Variants in HDAC4 observed in about 807,000 individuals in gnomAD.
HDAC4 encodes the protein histone deacetylase 4, also known as histone deacetylase A.
In HDAC4, 16 loss-of-function variants were observed where a neutral mutation model predicts 135.1. That is an observed-to-expected ratio of 0.12 (90% CI 0.08 to 0.18). The LOEUF is 0.18. Among genes scored for constraint, HDAC4 ranks in the 10% least tolerant of loss-of-function variants. The probability of loss-of-function intolerance (pLI) is 1.00; values close to 1 mark genes in which losing one functional copy is unlikely to be tolerated. For synonymous variants in HDAC4, 685 were observed against 653.4 expected, an observed-to-expected ratio of 1.05 and a Z score of -0.74; for missense variants, 1,143 against 1,511.8, an observed-to-expected ratio of 0.76 and a Z score of 4.05.
At chr2:239,116,520 GC>G in intron 12 of HDAC4, among the ~76,000 whole-genome samples, 1 of 152,278 alleles carries the variant, frequency 6.6e-6, no homozygotes, top group South Asian at 2.1e-4. Flanking sequence ...TTCCTGCTTT[GC>G]CCCACCTGGC....
At chr2:239,108,629 CA>C (rs2038376889) in intron 14 of HDAC4, among the ~76,000 whole-genome samples, 1 of 152,142 alleles carries the variant, frequency 6.6e-6, no homozygotes, top group Admixed American at 6.5e-5. Context: ...GGTCCTGGAC[CA>C]ATAGTAACTC....
rs748286926 is a variant in HDAC4 at position 239,111,562 on chromosome 2, C to G, written c.1942G>C (p.Val648Leu). Residue 648 changes from valine (V) to leucine (L), a missense_variant, in exon 14 of 27, where the codon GTG becomes CTG. Val to Leu is a conservative substitution (Grantham distance 32, BLOSUM62 1). Around this residue, in one of 9 missense-constraint regions of HDAC4, gnomAD observed 196 missense variants for 210.7 expected, o/e 0.93. Transcript: ENST00000543185. ...CTCGGCTTGGTGGGGGGCTCCTGCA[C>G]AGACACGGGGAAGGTGGCAGACGCG... The part of the protein sequence containing the change: ...SPASATFPVS[V>L]QEPPTKPRFT... The G allele has an allele frequency of 2.7e-5, 43 of 1,612,318 alleles. No homozygotes were observed. In the Admixed American group the frequency reaches 7.2e-4, roughly 27 times the overall value.
chr2:239,285,307 C>CCGCGGCTGGGCCCCCAAGTT lies in HDAC4; in HGVS notation c.23-48663_23-48644dup, dbSNP rs1393285466. ...ATCCCTGCTGGGAGTGGAGAACGCGCCGCGGCTGGGCCCCCAAGTTCGCGG... is the reference window on the plus strand; with the variant it reads ...ATCCCTGCTGGGAGTGGAGAACGCGCCGCGGCTGGGCCCCCAAGTTCGCGGCTGGGCCCCCAAGTTCGCGG... On this transcript the variant is annotated intron_variant, in intron 2 of 26. Transcript: ENST00000543185. This position sits in a 1 kb window ranked among gnomAD's most constrained non-coding sequence, Gnocchi z 4.5. Among the ~76,000 whole-genome samples, 39 of 152,240 alleles carry CCGCGGCTGGGCCCCCAAGTT rather than the reference C, an allele frequency of 2.6e-4. No homozygotes were observed. The highest frequency in any genetic ancestry group is 2.4e-3 in the Admixed American group (37 of 15,292).
chr2:239,154,195 G>A (rs940464414), intron 7 of HDAC4, among the ~76,000 whole-genome samples: 1 of 152,034 alleles, frequency 6.6e-6, no homozygotes, highest in Non-Finnish European at 1.5e-5. Flanking sequence ...CTCCAAATGG[G>A]GAGTTTCTGG....
chr2:239,096,369 A>AAC (rs1559418141), intron 16 of HDAC4, among the ~76,000 whole-genome samples: 2 of 56,926 alleles, frequency 3.5e-5, no homozygotes, highest in Non-Finnish European at 7.1e-5. Flanking sequence ...AGATGCCTGC[A>AAC]ACCCCCCCCG....
intron 9 of HDAC4, among the ~76,000 whole-genome samples, chr2:239,135,405 G>A: frequency 6.6e-6 from 1 of 152,210 alleles, no homozygotes; most frequent in Admixed American, 6.5e-5. Context: ...GAGGACCAGT[G>A]ACGGCAGAGC....
chr2:239,319,831 A>G (rs1241345494), intron 2 of HDAC4, among the ~76,000 whole-genome samples: 1 of 152,252 alleles, frequency 6.6e-6, no homozygotes, highest in Non-Finnish European at 1.5e-5. Flanking sequence ...TTCTATTTAC[A>G]TGAAGTTCAA....
At position 239,051,467 on chromosome 2, in the gene HDAC4, CATT is replaced by C. The variant is rs1281141408; in HGVS notation, c.*1627_*1629del. 6.6e-6 allele frequency: 1 copy of C among 152,368 alleles called. No individual in the cohort carries two copies. 9.4% of individuals were successfully genotyped at this position (152,368 alleles called of 1,614,324 possible). On this transcript the variant is annotated 3_prime_UTR_variant, in exon 27 of 27. Transcript: ENST00000543185. ...AATTCAGAAAGGAAAAAGATTTAGA[CATT>C]ATTACCATTCAGAAAATTGCTAAAT...
intron 2 of HDAC4, among the ~76,000 whole-genome samples, chr2:239,253,344 G>T (rs12151452): frequency 0.12 from 17,725 of 152,228 alleles, 1,164 homozygotes; most frequent in Non-Finnish European, 0.15. Flanking sequence ...GAATTAAAAC[G>T]AACACCCCTG....
At chr2:239,054,268 G>A (rs1198380208) in intron 25 of HDAC4, among the ~76,000 whole-genome samples, 1 of 152,116 alleles carries the variant, frequency 6.6e-6, no homozygotes, top group African/African-American at 2.4e-5. Context: ...GAGATAGGCT[G>A]CGTGCCACGC....
intron 2 of HDAC4, among the ~76,000 whole-genome samples, chr2:239,321,220 C>T (rs1333082247): frequency 6.6e-6 from 1 of 152,140 alleles, no homozygotes; most frequent in African/African-American, 2.4e-5. Flanking sequence ...AATCCCGGCA[C>T]TTTGGAAGGT....
chr2:239,131,016 T>C (rs973795286), intron 11 of HDAC4, among the ~76,000 whole-genome samples: 3 of 152,242 alleles, frequency 2.0e-5, no homozygotes, highest in African/African-American at 4.8e-5. Context: ...CAGCTAGTTA[T>C]GCGGAGACTA....
chr2:239,355,338 T>C (rs529368826), intron 1 of HDAC4, among the ~76,000 whole-genome samples: 80 of 152,368 alleles, frequency 5.3e-4, no homozygotes, highest in African/African-American at 1.8e-3. Context: ...GACACATCTG[T>C]TGTTTATTCT....
chr2:239,397,461 A>C (rs1287776508), intron 1 of HDAC4, among the ~76,000 whole-genome samples: 1 of 152,118 alleles, frequency 6.6e-6, no homozygotes, highest in African/African-American at 2.4e-5. Context: ...ACAGTGATAC[A>C]GGAAGTCACG....
intron 2 of HDAC4, among the ~76,000 whole-genome samples, chr2:239,293,708 T>G (rs921221955): frequency 6.6e-6 from 1 of 152,226 alleles, no homozygotes; most frequent in Non-Finnish European, 1.5e-5. Context: ...CGCTTCTAGC[T>G]GCTGTGCCTG....
intron 2 of HDAC4, among the ~76,000 whole-genome samples, chr2:239,338,628 C>G (rs1692098736): frequency 2.0e-5 from 3 of 152,236 alleles, no homozygotes; most frequent in South Asian, 4.1e-4. Context: ...AAAATAAATT[C>G]CTTTTATTTT....
At chr2:239,096,534 C>A (rs2037081516) in intron 16 of HDAC4, among the ~76,000 whole-genome samples, 1 of 100,036 alleles carries the variant, frequency 1.0e-5, no homozygotes, top group Non-Finnish European at 2.0e-5. Context: ...ACGCCAGTAC[C>A]CCCCACGGAT....
intron 24 of HDAC4, among the ~76,000 whole-genome samples, chr2:239,058,802 G>C (rs535570930): frequency 1.3e-5 from 2 of 152,344 alleles, no homozygotes; most frequent in East Asian, 1.9e-4. Context: ...GTCTTTCTCA[G>C]ATCCAGCAGA....
At chr2:239,386,636 T>C (rs1015676240) in intron 1 of HDAC4, among the ~76,000 whole-genome samples, 4 of 152,172 alleles carry the variant, frequency 2.6e-5, no homozygotes, top group African/African-American at 9.7e-5. Flanking sequence ...TGTAATGCAC[T>C]GTAAGGAAAT....
Sources: gnomAD v4.1 joint callset for allele counts (sites outside exome capture counted in the v4.1 genomes callset) on GRCh38, gnomAD v4.1.1 for gene constraint, gnomAD v4.1.1 regional missense constraint, Gnocchi (gnomAD v3.1) non-coding constraint, MANE v1.5 for transcripts, NCBI Gene and HGNC (gene_info 2026-07-23, HGNC 2026-07-21) for gene names.